RAD52: variants seen among roughly 807,000 people sequenced by gnomAD.
RAD52 encodes DNA repair protein RAD52 homolog.
A neutral mutation model predicts 55.5 loss-of-function variants in RAD52; 47 were observed. The observed-to-expected ratio is 0.85, with a 90% CI of 0.67 to 1.08. RAD52 has a LOEUF of 1.08. Ranked by LOEUF, RAD52 falls within the 50% of genes least tolerant of loss-of-function variation. RAD52 has a pLI of 0.00. For synonymous variants in RAD52, 184 were observed against 198.9 expected, an observed-to-expected ratio of 0.92 and a Z score of 0.63; for missense variants, 468 against 522.8, an observed-to-expected ratio of 0.90 and a Z score of 1.02.
chr12:912,146 A>AAGT lies in RAD52; in HGVS notation c.*1242_*1244dup, dbSNP rs1395834149. 1 of 198,250 alleles carries AAGT rather than the reference A, an allele frequency of 5.0e-6. No individual in the cohort carries two copies. The highest frequency in any genetic ancestry group is 2.3e-5 in the African/African-American group (1 of 43,344). 12.3% of individuals were successfully genotyped at this position (198,250 alleles called of 1,614,324 possible). On this transcript the variant is annotated 3_prime_UTR_variant, in exon 12 of 12. Transcript: ENST00000358495. ...GTTACATCTCACACCTGAAATGGGGAAGTAGAAACAGTTGCGTTTGAGCAT... is the reference window on the plus strand; with the variant it reads ...GTTACATCTCACACCTGAAATGGGGAAGTAGTAGAAACAGTTGCGTTTGAGCAT...
At chr12:930,663 A>AT (rs961296719) in intron 3 of RAD52, among the ~76,000 whole-genome samples, 35 of 148,398 alleles carry the variant, frequency 2.4e-4, no homozygotes, top group East Asian at 4.0e-4. Flanking sequence ...CAAAAGGAAC[A>AT]TTTTTTTTTT....
upstream of RAD52, among the ~76,000 whole-genome samples, chr12:953,880 G>A (rs781272973): frequency 7.9e-5 from 12 of 152,066 alleles, 1 homozygote; most frequent in Middle Eastern, 3.2e-3. Flanking sequence ...GTGTGAGAGC[G>A]TTCCGTACAC....
intron 1 of RAD52, among the ~76,000 whole-genome samples, chr12:944,184 C>A (rs1958069677): frequency 6.6e-6 from 1 of 151,956 alleles, no homozygotes; most frequent in South Asian, 2.1e-4. Flanking sequence ...CCACTGCACT[C>A]CAGCCTGGGT....
intron 5 of RAD52, among the ~76,000 whole-genome samples, chr12:929,103 C>G (rs1957192753): frequency 6.6e-6 from 1 of 152,098 alleles, no homozygotes; most frequent in African/African-American, 2.4e-5. Flanking sequence ...TGGGCTCAAG[C>G]AGTCCTTCCA....
At chr12:970,037 G>T (rs1263391422) in intron 1 of RAD52, among the ~76,000 whole-genome samples, 2 of 147,570 alleles carry the variant, frequency 1.4e-5, no homozygotes, top group Admixed American at 6.9e-5. Context: ...GGCTGGGCGC[G>T]GTGACTCATG....
intron 1 of RAD52, among the ~76,000 whole-genome samples, chr12:983,408 AGAT>A (rs1324519971): frequency 3.9e-5 from 4 of 103,848 alleles, no homozygotes; most frequent in African/African-American, 1.3e-4. Context: ...TTTTTCCTGA[AGAT>A]TTTTTTTTTT....
intron 1 of RAD52, among the ~76,000 whole-genome samples, chr12:944,625 A>AC (rs950224108): frequency 2.6e-5 from 4 of 151,754 alleles, no homozygotes; most frequent in African/African-American, 9.7e-5. Context: ...AAAAAAAAAA[A>AC]AAACTCAGGG....
rs1956125508 is a variant in RAD52, at chr12:912,152, A to G, written c.*1239T>C. On this transcript the variant is annotated 3_prime_UTR_variant, in exon 12 of 12. Transcript: ENST00000358495. Reference sequence around the variant, plus strand: ...TCTCACACCTGAAATGGGGAAGTAGAAACAGTTGCGTTTGAGCATCCCTAA... The same window carrying G: ...TCTCACACCTGAAATGGGGAAGTAGGAACAGTTGCGTTTGAGCATCCCTAA... 2 of 198,280 alleles carry G rather than the reference A, an allele frequency of 1.0e-5. No homozygotes were observed. The allele number at this position is 198,280 out of a possible 1,614,324, so 12.3% of individuals were successfully genotyped here.
intron 1 of RAD52, chr12:974,232 G>A (rs1329730311): frequency 2.0e-5 from 3 of 152,126 alleles, no homozygotes; most frequent in Admixed American, 6.6e-5. Flanking sequence ...CATATTCCTT[G>A]CCTGTGCCAC....
chr12:947,274 C>T (rs1958283188), intron 1 of RAD52, among the ~76,000 whole-genome samples: 1 of 151,932 alleles, frequency 6.6e-6, no homozygotes, highest in Non-Finnish European at 1.5e-5. Context: ...GGCAGTGAGT[C>T]AAGATCTCGC....
In RAD52 at chr12:913,469, G is replaced by A; in HGVS notation, c.1196-17C>T. 6.4e-7 allele frequency: 1 copy of A among 1,559,036 alleles called. No homozygotes were observed. Among genetic ancestry groups the A allele is most frequent in the Non-Finnish European group, 8.8e-7 (1 of 1,135,154 alleles). On this transcript the variant is annotated splice_polypyrimidine_tract_variant and intron_variant, in intron 11 of 11. Transcript: ENST00000358495. The stretch of plus-strand genomic sequence containing the variant: ...CCCAGTTTCCTATGGAAGACAAAAT[G>A]GCTTAAATGTAGCTGCCATAATTTT...
At chr12:932,787 C>A (rs11571402) in intron 2 of RAD52, among the ~76,000 whole-genome samples, 188 bp downstream of exon 2, 10 of 150,216 alleles carry the variant, frequency 6.7e-5, no homozygotes, top group Admixed American at 2.0e-4. Context: ...CCCCCGCACG[C>A]ACCGCGTCAA....
At chr12:924,083 T>G (rs1420604905) in intron 7 of RAD52, among the ~76,000 whole-genome samples, 1 of 139,458 alleles carries the variant, frequency 7.2e-6, no homozygotes, top group African/African-American at 2.7e-5. Context: ...AAAGAAAACT[T>G]GACTAATATC....
chr12:926,531 A>G (rs1463757029), intron 6 of RAD52, among the ~76,000 whole-genome samples: 4 of 151,982 alleles, frequency 2.6e-5, no homozygotes, highest in Non-Finnish European at 5.9e-5. Context: ...AATAAAATAA[A>G]TAAATAAGCC....
intron 1 of RAD52, among the ~76,000 whole-genome samples, chr12:978,001 T>A (rs369331712): frequency 6.6e-6 from 1 of 152,128 alleles, no homozygotes; most frequent in East Asian, 1.9e-4. Flanking sequence ...CTGACAACAT[T>A]TGCTACAATG....
At chr12:919,360 C>T (rs7295574) in intron 7 of RAD52, among the ~76,000 whole-genome samples, 46,784 of 151,648 alleles carry the variant, frequency 0.31, 7,503 homozygotes, top group Admixed American at 0.41. Flanking sequence ...GCTGGAGAAT[C>T]GCTTGAACCC....
chr12:971,453 T>G (rs1021364254), intron 1 of RAD52, among the ~76,000 whole-genome samples: 2 of 152,132 alleles, frequency 1.3e-5, no homozygotes, highest in Admixed American at 6.6e-5. Context: ...AGCAGCAGTG[T>G]GCAGAGCGGG....
intron 1 of RAD52, among the ~76,000 whole-genome samples, chr12:965,956 T>C (rs757115348): frequency 6.6e-6 from 1 of 152,032 alleles, no homozygotes; most frequent in Non-Finnish European, 1.5e-5. Context: ...AGTGCTGGGA[T>C]TACAGGCATG....
intron 1 of RAD52, among the ~76,000 whole-genome samples, chr12:979,314 G>A (rs1012540079): frequency 2.0e-5 from 3 of 151,928 alleles, no homozygotes; most frequent in Admixed American, 6.6e-5. Flanking sequence ...GGTGATACAC[G>A]CCTCTAATCC....
Sources: allele counts gnomAD v4.1 joint callset (sites outside exome capture counted in the v4.1 genomes callset), GRCh38; gene constraint gnomAD v4.1.1; transcripts MANE v1.5; gene names NCBI Gene and HGNC (gene_info 2026-07-23, HGNC 2026-07-21).